HDAC4: variants seen among roughly 807,000 people sequenced by gnomAD.
HDAC4 encodes histone deacetylase A.
HDAC4 carries 16 observed loss-of-function variants against 135.1 expected under a neutral mutation model. The observed-to-expected ratio is 0.12, with a 90% CI of 0.08 to 0.18. The LOEUF (loss-of-function observed/expected upper bound fraction) is 0.18. HDAC4 is among the 10% of genes least tolerant of loss of function. The probability of loss-of-function intolerance (pLI) is 1.00; values close to 1 mark genes in which losing one functional copy is unlikely to be tolerated. For missense variants in HDAC4, 1,143 were observed against 1,511.8 expected (o/e 0.76, Z 4.05); for synonymous variants, 685 against 653.4 (o/e 1.05, Z -0.74).
intron 3 of HDAC4, among the ~76,000 whole-genome samples, chr2:239,232,291 C>T (rs1383808389): frequency 1.3e-5 from 2 of 152,260 alleles, no homozygotes; most frequent in Non-Finnish European, 2.9e-5. Flanking sequence ...AGCCCTTGGG[C>T]ATAGTTGGGT....
At chr2:239,396,549 G>A (rs972851669) in intron 1 of HDAC4, among the ~76,000 whole-genome samples, 24 of 152,126 alleles carry the variant, frequency 1.6e-4, no homozygotes, top group African/African-American at 5.6e-4. Flanking sequence ...CTGGCACAAT[G>A]ATTCAATGTT....
chr2:239,205,907 T>G (rs2046017449), intron 3 of HDAC4, among the ~76,000 whole-genome samples: 2 of 152,196 alleles, frequency 1.3e-5, no homozygotes, highest in South Asian at 4.1e-4. Flanking sequence ...CATTTTAAGC[T>G]CATGCAGTAA....
chr2:239,144,695 T>C lies in HDAC4; in HGVS notation c.753A>G (p.Lys251=). 1 of 1,614,194 alleles carries C rather than the reference T, an allele frequency of 6.2e-7. No homozygotes were observed. The highest frequency in any genetic ancestry group is 8.5e-7 in the Non-Finnish European group (1 of 1,180,022). The part of the protein sequence containing the change: ...LRKTASEPNL[K]LRSRLKQKVA... ...CTTTCTGCTTTAGCCTGGACCGTAA[T>C]TTCAGATTCGGTTCAGAAGCTGCAC... Residue 251 remains lysine (K), a synonymous_variant, in exon 8 of 27, where the codon AAA becomes AAG. Transcript: ENST00000543185.
At chr2:239,198,398 G>C (rs910438718) in intron 3 of HDAC4, among the ~76,000 whole-genome samples, 1 of 152,144 alleles carries the variant, frequency 6.6e-6, no homozygotes. Flanking sequence ...TACTGTCCAC[G>C]AGAGGCGCCT....
intron 3 of HDAC4, among the ~76,000 whole-genome samples, chr2:239,203,801 C>T (rs1195917266): frequency 2.6e-5 from 4 of 152,244 alleles, no homozygotes; most frequent in East Asian, 1.9e-4. Flanking sequence ...TGAGGGACTG[C>T]GAGGTACTAA....
chr2:239,089,957 G>C (rs1357083319), intron 18 of HDAC4, 52 bp downstream of exon 18: 1 of 1,349,096 alleles, frequency 7.4e-7, no homozygotes, highest in East Asian at 2.3e-5. Context: ...CCCACACTGG[G>C]AATCTATGGC....
chr2:239,090,772 T>C (rs982478947), intron 17 of HDAC4, among the ~76,000 whole-genome samples: 2 of 152,098 alleles, frequency 1.3e-5, no homozygotes, highest in East Asian at 1.9e-4. Context: ...ACAATGCAAA[T>C]ATTCCAAAAT....
intron 8 of HDAC4, chr2:239,140,846 G>T: frequency 2.5e-6 from 1 of 403,908 alleles, no homozygotes. Context: ...TGGAGCCCAC[G>T]AGGACGCAGG....
At chr2:239,230,296 AAC>A (rs1183026384) in intron 3 of HDAC4, among the ~76,000 whole-genome samples, 2 of 151,280 alleles carry the variant, frequency 1.3e-5, no homozygotes, top group East Asian at 3.9e-4. Context: ...GGTTTACACA[AAC>A]AGTTTTACTT....
intron 5 of HDAC4, among the ~76,000 whole-genome samples, chr2:239,171,948 A>T (rs2043476050): frequency 6.6e-6 from 1 of 152,176 alleles, no homozygotes. Flanking sequence ...ACAGAAAGAA[A>T]ATTCATCACC....
intron 4 of HDAC4, among the ~76,000 whole-genome samples, chr2:239,188,197 T>C (rs2044679262): frequency 6.6e-6 from 1 of 152,228 alleles, no homozygotes. Flanking sequence ...AGAGGGGACA[T>C]GGAGCTGTCC....
At chr2:239,369,435 C>T (rs576537201) in intron 1 of HDAC4, among the ~76,000 whole-genome samples, 9 of 152,248 alleles carry the variant, frequency 5.9e-5, no homozygotes, top group Admixed American at 5.2e-4. Context: ...GCTACAGTCC[C>T]GCTAACCCGG....
chr2:239,317,134 G>A (rs2125738134), intron 2 of HDAC4, among the ~76,000 whole-genome samples: 1 of 152,260 alleles, frequency 6.6e-6, no homozygotes, highest in Non-Finnish European at 1.5e-5. Context: ...CAGAGGCATA[G>A]GTTAATAATC....
intron 1 of HDAC4, among the ~76,000 whole-genome samples, chr2:239,355,474 C>A (rs1196467033): frequency 1.3e-5 from 2 of 152,230 alleles, no homozygotes; most frequent in African/African-American, 4.8e-5. Context: ...TGTTCTCAAC[C>A]ACTTCCCTTT....
chr2:239,070,767 A>C (rs2152622655), intron 22 of HDAC4, among the ~76,000 whole-genome samples: 1 of 152,354 alleles, frequency 6.6e-6, no homozygotes, highest in South Asian at 2.1e-4. Context: ...GGCTTCAAAA[A>C]GTTCGTGGAA....
At chr2:239,188,271 A>G (rs1413049165) in intron 4 of HDAC4, among the ~76,000 whole-genome samples, 1 of 152,232 alleles carries the variant, frequency 6.6e-6, no homozygotes, top group Non-Finnish European at 1.5e-5. Flanking sequence ...TCTGCCACTA[A>G]GTCTACAGAC....
At chr2:239,063,785 A>T (rs796855798) in intron 24 of HDAC4, among the ~76,000 whole-genome samples, 1 of 151,922 alleles carries the variant, frequency 6.6e-6, no homozygotes, top group Non-Finnish European at 1.5e-5. Context: ...GGCGTCCTCT[A>T]CTTCTTCAAG....
chr2:239,134,859 C>T (rs774027787), intron 9 of HDAC4, among the ~76,000 whole-genome samples: 1 of 152,226 alleles, frequency 6.6e-6, no homozygotes, highest in Non-Finnish European at 1.5e-5. Flanking sequence ...CCTCCCGATA[C>T]GAGTTCTTCT....
chr2:239,053,481 C>T lies in HDAC4; in HGVS notation c.3209G>A (p.Gly1070Asp), dbSNP rs2031221387. ...TVTAMASLSV[G>D]VKPAEKRPDE... The stretch of plus-strand genomic sequence containing the variant: ...TCACCTCTTTTCGGCGGGCTTCACG[C>T]CCACGGACAGCGAGGCCATGGCGGT... The change falls in exon 26 of 27, where the codon GGC becomes GAC. Residue 1070 changes from glycine (G) to aspartate (D), a missense_variant. Physicochemically the swap from Gly to Asp is moderately conservative, Grantham distance 94 (BLOSUM62 -1). Coordinates refer to ENST00000543185, the MANE Select transcript of HDAC4 (RefSeq NM_001378414.1). 6.2e-7 allele frequency: 1 copy of T among 1,613,364 alleles called. No individual in the cohort carries two copies. The highest frequency in any genetic ancestry group is 8.5e-7 in the Non-Finnish European group (1 of 1,179,816).
Sources: gnomAD v4.1 joint callset for allele counts (sites outside exome capture counted in the v4.1 genomes callset) on GRCh38, gnomAD v4.1.1 for gene constraint, MANE v1.5 for transcripts, NCBI Gene and HGNC (gene_info 2026-07-23, HGNC 2026-07-21) for gene names.